STMN2: variants seen among roughly 807,000 people sequenced by gnomAD.
STMN2 encodes the protein stathmin 2.
Under a neutral mutation model 24.1 loss-of-function variants are expected in STMN2, and 2 were observed. That is an observed-to-expected ratio of 0.08 (90% CI 0.03 to 0.26). The LOEUF is 0.26. STMN2 is among the 10% of genes least tolerant of loss of function. The pLI is 1.00. For synonymous variants in STMN2, 83 were observed against 77.5 expected (o/e 1.07, Z -0.37); for missense variants, 114 against 213.6 (o/e 0.53, Z 2.91).
intron 2 of STMN2, among the ~76,000 whole-genome samples, chr8:79,640,135 G>A (rs1342056113): frequency 6.6e-6 from 1 of 152,196 alleles, no homozygotes; most frequent in African/African-American, 2.4e-5. Flanking sequence ...GGGAGGCGGA[G>A]GTTGCAGTGA....
At chr8:79,638,125 G>C (rs1456823439) in intron 2 of STMN2, among the ~76,000 whole-genome samples, 1 of 152,210 alleles carries the variant, frequency 6.6e-6, no homozygotes, top group Non-Finnish European at 1.5e-5. Flanking sequence ...ATCCAGCTAT[G>C]TTTCTTATGA....
At chr8:79,636,730 T>C (rs772294011) in intron 1 of STMN2, 72 bp from the exon 2 acceptor site, 1 of 1,378,596 alleles carries the variant, frequency 7.3e-7, no homozygotes, top group Non-Finnish European at 1.0e-6. Flanking sequence ...TAATTATTAT[T>C]CAAATTAAAG....
chr8:79,642,865 G>T (rs1421038641), intron 3 of STMN2, among the ~76,000 whole-genome samples: 6 of 145,900 alleles, frequency 4.1e-5, no homozygotes, highest in African/African-American at 1.5e-4. Context: ...AATGTCCGAT[G>T]AGCATGTCAT....
intron 1 of STMN2, among the ~76,000 whole-genome samples, chr8:79,612,342 G>A (rs1809258724): frequency 6.6e-6 from 1 of 152,254 alleles, no homozygotes; most frequent in African/African-American, 2.4e-5. Flanking sequence ...CATAGACACA[G>A]ATAAAGGGTT....
chr8:79,651,314 A>G (rs1286536039), intron 3 of STMN2, among the ~76,000 whole-genome samples: 2 of 152,208 alleles, frequency 1.3e-5, no homozygotes, highest in African/African-American at 4.8e-5. Flanking sequence ...CTTGACACCT[A>G]TGCTGTGTAA....
At position 79,640,290 on chromosome 8, in the gene STMN2, G is replaced by A. The variant is rs183099332; in HGVS notation, c.116-1088G>A. Among the ~76,000 whole-genome samples, 675 of 152,192 alleles carry A rather than the reference G, an allele frequency of 4.4e-3. 3 individuals carry two copies. Among genetic ancestry groups the A allele is most frequent in the Non-Finnish European group, 7.5e-3 (513 of 68,006 alleles). On this transcript the variant is annotated intron_variant, in intron 2 of 4. Coordinates refer to ENST00000220876, the MANE Select transcript of STMN2 (RefSeq NM_007029.4). Reference sequence around the variant, plus strand: ...CCCCAGTCTCCACCCCTAACCCCTGGTAACCACAATTCTACTCTGCTTCCG... The same window carrying A: ...CCCCAGTCTCCACCCCTAACCCCTGATAACCACAATTCTACTCTGCTTCCG...
intron 1 of STMN2, among the ~76,000 whole-genome samples, chr8:79,634,206 G>A (rs1809883115): frequency 6.6e-6 from 1 of 152,150 alleles, no homozygotes; most frequent in African/African-American, 2.4e-5. Context: ...ATTAGTTCAT[G>A]GAATTAAATG....
intron 1 of STMN2, among the ~76,000 whole-genome samples, chr8:79,625,965 AAAAT>A (rs1345707284): frequency 1.3e-5 from 2 of 152,048 alleles, no homozygotes; most frequent in Non-Finnish European, 2.9e-5. Context: ...CTGACTCAAA[AAAAT>A]AAATAAATCA....
rs188786411 is a variant in STMN2, at chr8:79,646,278, C to G, written c.288+4728C>G. 8.4e-4 allele frequency among the ~76,000 whole-genome samples: 128 copies of G among 152,008 alleles called. 2 individuals carry two copies. The highest frequency in any genetic ancestry group is 3.0e-3 in the African/African-American group (125 of 41,448). ...TATTTGGCAGGCCCTGTTCTAGACA[C>G]AGGGGATACTCATCAAACTTACATT... On this transcript the variant is annotated intron_variant, in intron 3 of 4. Coordinates refer to ENST00000220876, the MANE Select transcript of STMN2 (RefSeq NM_007029.4).
At chr8:79,662,415 G>T (rs996342670) in intron 4 of STMN2, among the ~76,000 whole-genome samples, 19 of 151,972 alleles carry the variant, frequency 1.3e-4, no homozygotes, top group African/African-American at 4.1e-4. Context: ...CTAGATTCAA[G>T]GTCTAGTAAT....
intron 1 of STMN2, among the ~76,000 whole-genome samples, chr8:79,636,350 C>T (rs1302742135): frequency 1.3e-5 from 2 of 152,084 alleles, no homozygotes; most frequent in South Asian, 4.2e-4. Flanking sequence ...CTGACTATTC[C>T]CAAATGAGTA....
intron 1 of STMN2, among the ~76,000 whole-genome samples, chr8:79,621,115 A>G (rs975707009): frequency 3.3e-5 from 5 of 152,076 alleles, no homozygotes; most frequent in African/African-American, 1.2e-4. Context: ...TGGAAGGAAG[A>G]GCCCAGAAGG....
At position 79,665,144 on chromosome 8, in the gene STMN2, T is replaced by C; in HGVS notation, c.*270T>C. ...TACAAGTATTGCATTATGCAAGTTA[T>C]TTCATAATCTTACATGTCCTGTAAC... On this transcript the variant is annotated 3_prime_UTR_variant, in exon 5 of 5. Transcript: ENST00000220876. The C allele has an allele frequency of 4.1e-6, 1 of 246,218 alleles. No individual in the cohort carries two copies. The highest frequency in any genetic ancestry group is 7.9e-6 in the Non-Finnish European group (1 of 127,334). The allele number at this position is 246,218 out of a possible 1,614,324, so 15.3% of individuals were successfully genotyped here. A position where few individuals can be genotyped will look rare whatever the true frequency, so the allele number is the denominator to read the frequency against.
chr8:79,651,740 A>G lies in STMN2; in HGVS notation c.289-3131A>G, dbSNP rs1810337201. On this transcript the variant is annotated intron_variant, in intron 3 of 4. Coordinates refer to ENST00000220876, the MANE Select transcript of STMN2 (RefSeq NM_007029.4). Reference sequence around the variant, plus strand: ...GGCCTCTTGATAATAATTCACAGTAACTCTCTGTAAGCTGATCCTGTCTGA... The same window carrying G: ...GGCCTCTTGATAATAATTCACAGTAGCTCTCTGTAAGCTGATCCTGTCTGA... Among the ~76,000 whole-genome samples the G allele has an allele frequency of 2.0e-5, 3 of 152,148 alleles. No homozygotes were observed. The South Asian group carries it at 6.2e-4, about 32-fold the overall frequency.
intron 4 of STMN2, among the ~76,000 whole-genome samples, chr8:79,661,436 A>G (rs1435424883): frequency 3.3e-5 from 5 of 152,114 alleles, no homozygotes; most frequent in African/African-American, 1.2e-4. Flanking sequence ...ATTTACACCT[A>G]TTGCATTCTT....
rs1197472383 is a variant in STMN2 at position 79,636,953 on chromosome 8, CAT to C, written c.115+61_115+62del. On this transcript the variant is annotated intron_variant, in intron 2 of 4. Coordinates refer to ENST00000220876, the MANE Select transcript of STMN2 (RefSeq NM_007029.4). The stretch of plus-strand genomic sequence containing the variant: ...TAGCTAGATCATTTGGAAAGGTTGA[CAT>C]ATATTTGTTTCTTACAGCTCCTGAT... The C allele has an allele frequency of 5.3e-6, 8 of 1,520,008 alleles. No individual in the cohort carries two copies. In the African/African-American group the frequency reaches 5.5e-5, roughly 10 times the overall value. The allele number at this position is 1,520,008 out of a possible 1,614,324, so 94.2% of individuals were successfully genotyped here.
At chr8:79,624,453 C>CAAA (rs1011493193) in intron 1 of STMN2, among the ~76,000 whole-genome samples, 233 of 45,056 alleles carry the variant, frequency 5.2e-3, no homozygotes, top group Non-Finnish European at 6.6e-3. Flanking sequence ...GACTCCGTCT[C>CAAA]AAAAAAAAAA....
intron 3 of STMN2, among the ~76,000 whole-genome samples, chr8:79,645,989 C>T (rs181354578): frequency 6.6e-6 from 1 of 152,176 alleles, no homozygotes; most frequent in Admixed American, 6.6e-5. Flanking sequence ...ATAGTTATTA[C>T]TGTAAACATT....
intron 1 of STMN2, among the ~76,000 whole-genome samples, chr8:79,634,509 T>C (rs541892332): frequency 1.3e-5 from 2 of 152,378 alleles, no homozygotes; most frequent in African/African-American, 2.4e-5. Context: ...GGTTGAATCA[T>C]AGGCAAATGA....
Sources: gnomAD v4.1 joint callset for allele counts (sites outside exome capture counted in the v4.1 genomes callset) on GRCh38, gnomAD v4.1.1 for gene constraint, MANE v1.5 for transcripts, NCBI Gene and HGNC (gene_info 2026-07-23, HGNC 2026-07-21) for gene names.